Variants in LRP8 observed in about 807,000 individuals in gnomAD.
LRP8 encodes low-density lipoprotein receptor-related protein 8.
Under a neutral mutation model 111.6 loss-of-function variants are expected in LRP8, and 46 were observed. That is an observed-to-expected ratio of 0.41 (90% CI 0.33 to 0.53). LRP8 has a LOEUF of 0.53. Ranked by LOEUF, LRP8 falls within the 20% of genes least tolerant of loss-of-function variation. The probability of loss-of-function intolerance (pLI) is 0.20; values close to 1 mark genes in which losing one functional copy is unlikely to be tolerated. For synonymous variants in LRP8, 464 were observed against 511.2 expected (o/e 0.91, Z 1.24); for missense variants, 959 against 1,297.4 (o/e 0.74, Z 4.01).
In LRP8 at chr1:53,252,946, C is replaced by G. The variant is rs1645944230; in HGVS notation, c.2504-2084G>C. ...ATATAAATCAGTGAAGGAAAATAAA[C>G]TGCTTAGACGCAAATCAAAGTACGT... On this transcript the variant is annotated intron_variant, in intron 16 of 18. Transcript: ENST00000306052. 2.0e-5 allele frequency among the ~76,000 whole-genome samples: 3 copies of G among 152,142 alleles called. No homozygotes were observed. In the South Asian group the frequency reaches 6.2e-4, roughly 32 times the overall value.
chr1:53,315,221 G>A (rs1653635266), intron 2 of LRP8, among the ~76,000 whole-genome samples: 1 of 152,184 alleles, frequency 6.6e-6, no homozygotes, highest in Admixed American at 6.5e-5. Context: ...TGACAGCCTG[G>A]AGCGGCAGGG....
Position 53,262,585 on chromosome 1 carries a change from A to G in LRP8, c.1656-21T>C, listed in dbSNP as rs1356984259. Reference sequence around the variant, plus strand: ...TGAACCTAAAAGACAAAATAACCCAATTTGCCTTCTTGCTGGGGACATGAC... The same window carrying G: ...TGAACCTAAAAGACAAAATAACCCAGTTTGCCTTCTTGCTGGGGACATGAC... On this transcript the variant is annotated intron_variant, in intron 10 of 18. Coordinates refer to ENST00000306052, the MANE Select transcript of LRP8 (RefSeq NM_004631.5). The surrounding 1 kb of genome is among the most constrained non-coding windows in gnomAD (Gnocchi z 4.8). 2 of 1,592,454 alleles carry G rather than the reference A, an allele frequency of 1.3e-6. No individual in the cohort carries two copies. The highest frequency in any genetic ancestry group is 1.7e-5 in the Admixed American group (1 of 59,994).
chr1:53,294,021 T>C lies in LRP8; in HGVS notation c.245-4332A>G, dbSNP rs2100474812. Among the ~76,000 whole-genome samples the C allele has an allele frequency of 6.6e-6, 1 of 152,274 alleles. No homozygotes were observed. Among genetic ancestry groups the C allele is most frequent in the East Asian group, 1.9e-4 (1 of 5,186 alleles). On this transcript the variant is annotated intron_variant, in intron 2 of 18. Coordinates refer to ENST00000306052, the MANE Select transcript of LRP8 (RefSeq NM_004631.5). This position sits in a 1 kb window ranked among gnomAD's most constrained non-coding sequence, Gnocchi z 4.1. ...AGACCATATCAGCCCTGCCATGAGA[T>C]GAGGGCTGTGCCGCCATTCTAAGGC...
At chr1:53,295,093 T>C (rs1649448813) in intron 2 of LRP8, among the ~76,000 whole-genome samples, 1 of 152,162 alleles carries the variant, frequency 6.6e-6, no homozygotes, top group Admixed American at 6.5e-5. Context: ...GTGGGAGGGC[T>C]GCACTTGAAC....
At chr1:53,247,289 C>T (rs189833145) in intron 18 of LRP8, among the ~76,000 whole-genome samples, 3 of 152,226 alleles carry the variant, frequency 2.0e-5, no homozygotes, top group South Asian at 2.1e-4. Flanking sequence ...AAAATTTGAT[C>T]CCAGGTCTGT....
intron 2 of LRP8, among the ~76,000 whole-genome samples, chr1:53,321,992 C>T (rs1413063370): frequency 6.6e-6 from 1 of 152,126 alleles, no homozygotes; most frequent in Non-Finnish European, 1.5e-5. Context: ...CTGAGGCGAG[C>T]ACCAGCTGCA....
intron 2 of LRP8, among the ~76,000 whole-genome samples, chr1:53,306,985 G>T (rs1391997072): frequency 6.6e-6 from 1 of 152,156 alleles, no homozygotes; most frequent in Non-Finnish European, 1.5e-5. Context: ...GGACTATCAG[G>T]CCCAGCATTC....
chr1:53,247,336 T>G (rs1250750848), intron 18 of LRP8, among the ~76,000 whole-genome samples: 2 of 152,180 alleles, frequency 1.3e-5, no homozygotes, highest in Admixed American at 1.3e-4. Flanking sequence ...ATCATTCTGT[T>G]TTGTATCTTT....
chr1:53,272,881 G>A (rs968750240), intron 6 of LRP8, among the ~76,000 whole-genome samples: 11 of 152,080 alleles, frequency 7.2e-5, no homozygotes, highest in East Asian at 3.9e-4. Context: ...GCATCCACTC[G>A]CCTCCTTCCT....
rs779636087 is a variant in LRP8 at position 53,257,453 on chromosome 1, T to C, written c.2221A>G (p.Thr741Ala). The C allele has an allele frequency of 1.4e-5, 22 of 1,613,966 alleles. No individual in the cohort carries two copies. The highest frequency in any genetic ancestry group is 1.7e-5 in the Non-Finnish European group (20 of 1,179,924). The change falls in exon 15 of 19, where the codon ACC becomes GCC. Residue 741 changes from threonine to alanine, a missense_variant. Around this residue, in one of 3 missense-constraint regions of LRP8, gnomAD observed 819 missense variants for 1,097.6 expected, o/e 0.75. Coordinates refer to ENST00000306052, the MANE Select transcript of LRP8 (RefSeq NM_004631.5). ...MKRCYRAPQS[T>A]STTTLASTMT... ...GTAGAAGCTAACGTCGTAGTTGAGG[T>C]AGATTGAGGTGCTGGAGGGGAAATA...
chr1:53,284,729 A>C (rs1397667552), intron 3 of LRP8, among the ~76,000 whole-genome samples: 1 of 152,214 alleles, frequency 6.6e-6, no homozygotes, highest in Non-Finnish European at 1.5e-5. Context: ...GTGTCCCTAA[A>C]TAGACAGCTC....
At chr1:53,269,449 G>T (rs1234446221) in intron 8 of LRP8, among the ~76,000 whole-genome samples, 3 of 151,932 alleles carry the variant, frequency 2.0e-5, no homozygotes, top group Non-Finnish European at 4.4e-5. Flanking sequence ...AGTAGCTTGG[G>T]ACTATAGGTG....
chr1:53,304,165 T>A (rs1322757526), intron 2 of LRP8, among the ~76,000 whole-genome samples: 1 of 152,198 alleles, frequency 6.6e-6, no homozygotes, highest in Non-Finnish European at 1.5e-5. Flanking sequence ...GAATACCAAT[T>A]ACTCCAGCCT....
chr1:53,327,716 C>A, intron 1 of LRP8, 73 bp downstream of exon 1: 1 of 1,372,316 alleles, frequency 7.3e-7, no homozygotes, highest in Non-Finnish European at 9.5e-7. Context: ...CCCCTCCCCG[C>A]TCCGGCCTCC....
intron 6 of LRP8, chr1:53,272,647 A>C (rs1234618575): frequency 3.1e-6 from 4 of 1,289,550 alleles, no homozygotes; most frequent in South Asian, 1.2e-5. Flanking sequence ...GCGGAACTGA[A>C]AGAACAAGAC....
intron 2 of LRP8, among the ~76,000 whole-genome samples, chr1:53,316,119 T>C (rs953616190): frequency 1.3e-5 from 2 of 152,196 alleles, no homozygotes; most frequent in Non-Finnish European, 2.9e-5. Flanking sequence ...CTACTTTACA[T>C]AGGCCAGGAA....
At chr1:53,315,848 G>C (rs111707209) in intron 2 of LRP8, among the ~76,000 whole-genome samples, 2 of 152,348 alleles carry the variant, frequency 1.3e-5, no homozygotes, top group African/African-American at 4.8e-5. Context: ...AGCCAGCCAG[G>C]TAGGTCAGTT....
At chr1:53,302,287 C>T (rs1339102232) in intron 2 of LRP8, among the ~76,000 whole-genome samples, 1 of 152,164 alleles carries the variant, frequency 6.6e-6, no homozygotes, top group Non-Finnish European at 1.5e-5. Flanking sequence ...GGTCCATTCT[C>T]TGAAGCTCTT....
chr1:53,242,713 T>C lies in LRP8; in HGVS notation c.*4305A>G, dbSNP rs1645663843. The C allele has an allele frequency of 6.6e-6, 1 of 152,078 alleles. No individual in the cohort carries two copies. The highest frequency in any genetic ancestry group is 1.5e-5 in the Non-Finnish European group (1 of 68,008). 9.4% of individuals were successfully genotyped at this position (152,078 alleles called of 1,614,324 possible). A position where few individuals can be genotyped will look rare whatever the true frequency, so the allele number is the denominator to read the frequency against. On this transcript the variant is annotated 3_prime_UTR_variant, in exon 19 of 19. Transcript: ENST00000306052. ...TGATGAAGTTTGCAAATCAGCACTT[T>C]ACCCCCAAATTAACAACAGCTTGTA... is the stretch of plus-strand genomic sequence containing the variant.
Sources: allele counts gnomAD v4.1 joint callset (sites outside exome capture counted in the v4.1 genomes callset), GRCh38; gene constraint gnomAD v4.1.1; regional missense constraint gnomAD v4.1.1; non-coding constraint Gnocchi (gnomAD v3.1); transcripts MANE v1.5; gene names NCBI Gene and HGNC (gene_info 2026-07-23, HGNC 2026-07-21).